CEP192: variants seen among roughly 807,000 people sequenced by gnomAD.
CEP192 encodes centrosomal protein 192.
Under a neutral mutation model 271.8 loss-of-function variants are expected in CEP192, and 151 were observed. The ratio of observed to expected loss-of-function variants is 0.56; its 90% CI spans 0.49 to 0.64. CEP192 has a LOEUF of 0.64. Ranked by LOEUF, CEP192 falls within the 30% of genes least tolerant of loss-of-function variation. The pLI, the probability that CEP192 is intolerant of heterozygous loss-of-function variation, is 0.00. For synonymous variants in CEP192, 995 were observed against 1,076.5 expected (o/e 0.92, Z 1.48); for missense variants, 2,910 against 3,020.5 (o/e 0.96, Z 0.86).
chr18:13,118,193 C>T (rs1472218943), intron 44 of CEP192, among the ~76,000 whole-genome samples: 1 of 152,152 alleles, frequency 6.6e-6, no homozygotes, highest in African/African-American at 2.4e-5. Context: ...TGGGTTGTCA[C>T]TGTTATTTAG....
intron 30 of CEP192, among the ~76,000 whole-genome samples, chr18:13,085,105 G>C (rs1408749123): frequency 6.6e-6 from 1 of 151,970 alleles, no homozygotes; most frequent in Non-Finnish European, 1.5e-5. Flanking sequence ...GATTACAGGT[G>C]TGAGCCACCG....
chr18:13,056,126 TGG>T lies in CEP192; in HGVS notation c.3539_3540del (p.Gly1180ValfsTer15), dbSNP rs1426193616. 2 of 1,612,940 alleles carry T rather than the reference TGG, an allele frequency of 1.2e-6. No homozygotes were observed. Among genetic ancestry groups the T allele is most frequent in the African/African-American group, 1.3e-5 (1 of 74,884 alleles). Reference sequence around the variant, plus strand: ...GGCAAGTCAGGTCTGAGCTGTCAGGTGGGGTCAGCCACATCACACCCTGTGTC... The same window carrying T: ...GGCAAGTCAGGTCTGAGCTGTCAGGTGGTCAGCCACATCACACCCTGTGTC... On this transcript the variant is annotated frameshift_variant, in exon 19 of 45. Transcript: ENST00000506447. LOFTEE classifies it high-confidence loss of function.
At chr18:13,077,773 T>C (rs1448686580) in intron 30 of CEP192, among the ~76,000 whole-genome samples, 1 of 152,138 alleles carries the variant, frequency 6.6e-6, no homozygotes, top group Non-Finnish European at 1.5e-5. Flanking sequence ...AATACAGTTT[T>C]CCCCAAAAAC....
chr18:12,992,514 A>T (rs2032931238), intron 1 of CEP192, among the ~76,000 whole-genome samples: 1 of 152,118 alleles, frequency 6.6e-6, no homozygotes, highest in South Asian at 2.1e-4. Context: ...AGCAAGAGAA[A>T]TTGCAAATAT....
In CEP192 at chr18:13,081,936, G is replaced by A. The variant is rs112237080; in HGVS notation, c.5617-5081G>A. On this transcript the variant is annotated intron_variant, in intron 30 of 44. Transcript: ENST00000506447. Reference sequence around the variant, plus strand: ...GGTTTTGAGTGAGTTTCTTAATCCCGAGTTCTAACTTGATTGCACTGTGGT... The same window carrying A: ...GGTTTTGAGTGAGTTTCTTAATCCCAAGTTCTAACTTGATTGCACTGTGGT... Among the ~76,000 whole-genome samples the A allele has an allele frequency of 5.8e-3, 876 of 152,284 alleles. 13 individuals are homozygous for A. Among genetic ancestry groups the A allele is most frequent in the African/African-American group, 0.02 (840 of 41,544 alleles).
In CEP192 at chr18:13,100,395, G is replaced by A. The variant is rs2039649622; in HGVS notation, c.6754G>A (p.Val2252Ile). The change falls in exon 38 of 45, where the codon GTA (valine) becomes ATA (isoleucine). Residue 2252 changes from valine (V) to isoleucine (I), a missense_variant. Coordinates refer to ENST00000506447, the MANE Select transcript of CEP192 (RefSeq NM_032142.4). ...CAAACCATTTGGAATTCTTTCCCCA[G>A]TATCTGAGCCTTCAGTTAGTCATTT... ...TSKPFGILSP[V>I]SEPSVSHLVK... 1.9e-6 allele frequency: 3 copies of A among 1,613,834 alleles called. No homozygotes were observed. The African/African-American group carries it at 4.0e-5, about 22-fold the overall frequency.
chr18:13,009,765 G>A (rs1437687865), intron 4 of CEP192, among the ~76,000 whole-genome samples: 2 of 152,286 alleles, frequency 1.3e-5, no homozygotes, highest in East Asian at 1.9e-4. Context: ...CCCGGGAGGC[G>A]GAGATTGCAG....
intron 13 of CEP192, 22 bp downstream of exon 13, chr18:13,038,601 A>G: frequency 6.6e-7 from 1 of 1,504,118 alleles, no homozygotes; most frequent in Non-Finnish European, 9.1e-7. Context: ...ATCTGTTGGA[A>G]GTGCTCACAG....
At chr18:13,102,724 C>T (rs2039770444) in intron 38 of CEP192, among the ~76,000 whole-genome samples, 1 of 152,218 alleles carries the variant, frequency 6.6e-6, no homozygotes, top group African/African-American at 2.4e-5. Flanking sequence ...GGATCCCTTG[C>T]TGACTCCTCT....
chr18:13,018,996 A>G lies in CEP192; in HGVS notation c.926-86A>G, dbSNP rs1054576179. On this transcript the variant is annotated intron_variant, in intron 8 of 44. Coordinates refer to ENST00000506447, the MANE Select transcript of CEP192 (RefSeq NM_032142.4). ...AGTGCTAAGTATTAGGGTTACATAA[A>G]ATAATTTGACTGGCAAGAATCAGTT... 7.6e-6 allele frequency: 10 copies of G among 1,311,996 alleles called. No homozygotes were observed. In the Middle Eastern group the frequency reaches 1.1e-3, roughly 148 times the overall value. 81.3% of individuals were successfully genotyped at this position (1,311,996 alleles called of 1,614,324 possible).
intron 43 of CEP192, among the ~76,000 whole-genome samples, chr18:13,117,059 CAAA>C (rs35259763): frequency 7.1e-6 from 1 of 139,968 alleles, no homozygotes. Flanking sequence ...CCATCTCTAC[CAAA>C]AAAAAAAAAA....
intron 40 of CEP192, among the ~76,000 whole-genome samples, chr18:13,110,501 C>CT (rs1729071875): frequency 6.6e-6 from 1 of 151,760 alleles, no homozygotes; most frequent in Non-Finnish European, 1.5e-5. Flanking sequence ...CAAATAGTGC[C>CT]TGGGAGAACT....
chr18:13,001,393 C>T (rs966122531), intron 2 of CEP192, 64 bp from the exon 3 acceptor site: 1 of 1,208,072 alleles, frequency 8.3e-7, no homozygotes, highest in African/African-American at 1.5e-5. Context: ...AGCCCTATGT[C>T]ATGATGACAT....
At position 13,049,399 on chromosome 18, in the gene CEP192, A is replaced by G. The variant is rs1237865494; in HGVS notation, c.2608A>G (p.Arg870Gly). Reference protein sequence around the residue: ...TINSSNSVTNRENNSAVVDVK... With the variant: ...TINSSNSVTNGENNSAVVDVK... ...AAACTCCTCAAATTCAGTTACAAAT[A>G]GAGAGAATAACAGTGCAGTAGTTGA... Residue 870 changes from arginine to glycine, a missense_variant, in exon 16 of 45, where the codon AGA (arginine) becomes GGA (glycine). By Grantham distance (125) the Arg-to-Gly change is moderately radical. Coordinates refer to ENST00000506447, the MANE Select transcript of CEP192 (RefSeq NM_032142.4). The G allele has an allele frequency of 6.2e-7, 1 of 1,614,072 alleles. No homozygotes were observed. Among genetic ancestry groups the G allele is most frequent in the Admixed American group, 1.7e-5 (1 of 60,022 alleles).
At chr18:13,028,687 T>G (rs895049893) in intron 9 of CEP192, among the ~76,000 whole-genome samples, 1 of 151,930 alleles carries the variant, frequency 6.6e-6, no homozygotes, top group Non-Finnish European at 1.5e-5. Context: ...GCCCGGCTAA[T>G]TTTTGTATTT....
At chr18:13,123,877 C>G (rs529620) in intron 44 of CEP192, among the ~76,000 whole-genome samples, 107,796 of 152,112 alleles carry the variant, frequency 0.71, 39,373 homozygotes, top group African/African-American at 0.89. Context: ...TGAAAGTTTC[C>G]GGCCGGGCAT....
At chr18:13,119,038 T>C (rs971894973) in intron 44 of CEP192, among the ~76,000 whole-genome samples, 4 of 152,222 alleles carry the variant, frequency 2.6e-5, no homozygotes, top group Non-Finnish European at 5.9e-5. Flanking sequence ...TCTCCAGTTA[T>C]TGTAGGCTGC....
At chr18:13,048,228 C>T (rs765861916) in intron 15 of CEP192, among the ~76,000 whole-genome samples, 39 of 152,106 alleles carry the variant, frequency 2.6e-4, no homozygotes, top group Non-Finnish European at 1.8e-4. Flanking sequence ...TTCTTAGTAG[C>T]GTGATGAAAT....
At chr18:13,083,768 T>G (rs2038751049) in intron 30 of CEP192, among the ~76,000 whole-genome samples, 2 of 152,196 alleles carry the variant, frequency 1.3e-5, no homozygotes, top group African/African-American at 4.8e-5. Context: ...CTACCTTTGG[T>G]CTTTGATGCT....
Sources: allele counts gnomAD v4.1 joint callset (sites outside exome capture counted in the v4.1 genomes callset), GRCh38; gene constraint gnomAD v4.1.1; transcripts MANE v1.5; gene names NCBI Gene and HGNC (gene_info 2026-07-23, HGNC 2026-07-21).